ACVR1C: variants seen among roughly 807,000 people sequenced by gnomAD.
The protein encoded by ACVR1C is activin receptor type-1C.
Under a neutral mutation model 57.9 loss-of-function variants are expected in ACVR1C, and 23 were observed. The ratio of observed to expected loss-of-function variants is 0.40; its 90% confidence interval spans 0.29 to 0.56. The LOEUF (loss-of-function observed/expected upper bound fraction) is 0.56, where lower values mean the gene tolerates loss of function less well. ACVR1C is among the 20% of genes least tolerant of loss of function. ACVR1C has a pLI of 0.50. For missense variants in ACVR1C, 480 were observed against 607.9 expected (o/e 0.79, Z 2.21); for synonymous variants, 214 against 215.3 (o/e 0.99, Z 0.05).
At chr2:157,556,368 C>G in intron 2 of ACVR1C, 36 bp from the exon 3 acceptor site, 1 of 1,601,756 alleles carries the variant, frequency 6.2e-7, no homozygotes, top group African/African-American at 1.3e-5. Flanking sequence ...GACCATAAAT[C>G]AAACCATTTT....
chr2:157,593,376 G>A (rs1689087036), intron 1 of ACVR1C, among the ~76,000 whole-genome samples: 1 of 152,064 alleles, frequency 6.6e-6, no homozygotes, highest in Non-Finnish European at 1.5e-5. Flanking sequence ...CCTTTGTTTG[G>A]AGTCTATATG....
intron 1 of ACVR1C, among the ~76,000 whole-genome samples, chr2:157,622,882 T>C (rs1325964301): frequency 1.3e-5 from 2 of 152,026 alleles, no homozygotes; most frequent in African/African-American, 2.4e-5. Flanking sequence ...ATATCCAGAA[T>C]ATATAAGGAG....
rs768818387 is a variant in ACVR1C at position 157,587,339 on chromosome 2, A to C, written c.152T>G (p.Met51Arg). The change falls in exon 2 of 9, where the codon ATG (methionine) becomes AGG (arginine). Residue 51 changes from methionine to arginine, a missense_variant. By Grantham distance (91) the Met-to-Arg change is moderately conservative. Transcript: ENST00000243349. ...CACCTGCTCTTTTCCATTGGTTAGC[A>C]TGACTGATGCCCAACATGCTCCTTC... ...QTEGACWASV[M>R]LTNGKEQVIK... The C allele has an allele frequency of 5.0e-6, 8 of 1,613,592 alleles. No homozygotes were observed. The Admixed American group carries it at 6.7e-5, about 13-fold the overall frequency.
chr2:157,604,006 ATTG>A (rs1233728849), intron 1 of ACVR1C, among the ~76,000 whole-genome samples: 2 of 152,032 alleles, frequency 1.3e-5, no homozygotes, highest in African/African-American at 2.4e-5. Flanking sequence ...ACGTTTAACT[ATTG>A]TTGTTATTCT....
At chr2:157,573,301 A>G (rs114643288) in intron 2 of ACVR1C, among the ~76,000 whole-genome samples, 3,016 of 152,254 alleles carry the variant, frequency 0.02, 116 homozygotes, top group African/African-American at 0.068. Flanking sequence ...TCTTTACGCA[A>G]TTCAGAACAG....
chr2:157,543,978 G>C (rs1316468347), intron 5 of ACVR1C, among the ~76,000 whole-genome samples: 1 of 150,224 alleles, frequency 6.7e-6, no homozygotes, highest in African/African-American at 2.5e-5. Flanking sequence ...ACTGATGAGA[G>C]TTGGCTATAT....
chr2:157,550,080 C>A, intron 4 of ACVR1C, 82 bp downstream of exon 4: 27 of 1,150,062 alleles, frequency 2.3e-5, no homozygotes, highest in South Asian at 1.1e-4. Flanking sequence ...TTATCTGATA[C>A]TAGACAACAT....
At chr2:157,570,817 C>T (rs1274411564) in intron 2 of ACVR1C, among the ~76,000 whole-genome samples, 2 of 52,178 alleles carry the variant, frequency 3.8e-5, no homozygotes, top group African/African-American at 8.2e-5. Flanking sequence ...TCAATGCCAT[C>T]CCCATCAAGC....
rs551828454 is a variant in ACVR1C, at chr2:157,580,095, G to A, written c.304+7092C>T. Among the ~76,000 whole-genome samples the A allele has an allele frequency of 1.4e-4, 21 of 150,428 alleles. No individual in the cohort carries two copies. The East Asian group carries it at 1.8e-3, about 13-fold the overall frequency. On this transcript the variant is annotated intron_variant, in intron 2 of 8. Coordinates refer to ENST00000243349, the MANE Select transcript of ACVR1C (RefSeq NM_145259.3). ...CACACACACACACAAACACACACGC[G>A]CGCACGCACACACGTGCGCGTGCTA...
intron 3 of ACVR1C, among the ~76,000 whole-genome samples, chr2:157,555,713 T>G (rs1688083777): frequency 6.6e-6 from 1 of 152,146 alleles, no homozygotes. Context: ...CTCAACACCT[T>G]AAATACCACA....
intron 2 of ACVR1C, among the ~76,000 whole-genome samples, chr2:157,577,704 T>C (rs575835135): frequency 8.5e-4 from 130 of 152,318 alleles, no homozygotes; most frequent in African/African-American, 2.7e-3. Flanking sequence ...TACACTCTGA[T>C]AATCATTGTT....
rs145869067 is a variant in ACVR1C at position 157,562,459 on chromosome 2, A to AAAAATAAAAT, written c.305-6137_305-6128dup. Reference sequence around the variant, plus strand: ...CAGTAATACACAGCCTACCAACCAAAAAAATAAAATAAAATAAAATAAAAT... The same window carrying AAAAATAAAAT: ...CAGTAATACACAGCCTACCAACCAAAAAAATAAAATAAAATAAAATAAAATAAAATAAAAT... On this transcript the variant is annotated intron_variant, in intron 2 of 8. Transcript: ENST00000243349. 4.4e-3 allele frequency among the ~76,000 whole-genome samples: 478 copies of AAAAATAAAAT among 108,186 alleles called. 6 individuals carry two copies. Among genetic ancestry groups the AAAAATAAAAT allele is most frequent in the African/African-American group, 0.011 (305 of 27,682 alleles). 71.0% of individuals were successfully genotyped at this position (108,186 alleles called of 152,430 possible). A position where few individuals can be genotyped will look rare whatever the true frequency, so the allele number is the denominator to read the frequency against.
Position 157,533,995 on chromosome 2 carries a change from C to T in ACVR1C, c.1405G>A (p.Gly469Arg). ...RIMRECWYAN[G>R]AARLTALRIK... ...CGAAGAGCAGTTAGGCGGGCCGCTC[C>T]GTTGGCATACCAACACTCACGCATT... The change falls in exon 9 of 9, where the codon GGA becomes AGA. Residue 469 changes from glycine to arginine, a missense_variant. Gly to Arg is a moderately radical substitution (Grantham distance 125). Coordinates refer to ENST00000243349, the MANE Select transcript of ACVR1C (RefSeq NM_145259.3). 3 of 1,595,786 alleles carry T rather than the reference C, an allele frequency of 1.9e-6. No individual in the cohort carries two copies. The highest frequency in any genetic ancestry group is 1.1e-5 in the South Asian group (1 of 87,726).
intron 1 of ACVR1C, among the ~76,000 whole-genome samples, chr2:157,594,711 T>C (rs1486711493): frequency 1.3e-5 from 2 of 152,174 alleles, no homozygotes; most frequent in Non-Finnish European, 2.9e-5. Context: ...TCAATCTTAG[T>C]GTCCACAGGA....
intron 8 of ACVR1C, among the ~76,000 whole-genome samples, chr2:157,536,848 T>A (rs2105201477): frequency 6.6e-6 from 1 of 152,218 alleles, no homozygotes; most frequent in East Asian, 1.9e-4. Flanking sequence ...AATGCATATA[T>A]CAGGAATGTA....
At chr2:157,600,967 A>G (rs1682265740) in intron 1 of ACVR1C, among the ~76,000 whole-genome samples, 2 of 152,118 alleles carry the variant, frequency 1.3e-5, no homozygotes, top group Non-Finnish European at 2.9e-5. Flanking sequence ...TAAAATCCAT[A>G]ATGCTTTTTA....
intron 2 of ACVR1C, among the ~76,000 whole-genome samples, chr2:157,572,349 C>T (rs1222237901): frequency 7.3e-6 from 1 of 137,018 alleles, no homozygotes; most frequent in African/African-American, 2.8e-5. Flanking sequence ...ACATGTACCC[C>T]AAAACTTAGA....
intron 1 of ACVR1C, among the ~76,000 whole-genome samples, chr2:157,601,999 A>G (rs1682292230): frequency 6.6e-6 from 1 of 151,904 alleles, no homozygotes. Flanking sequence ...CACAAACCAC[A>G]CTCCTTAAAA....
At chr2:157,595,744 C>T (rs937622885) in intron 1 of ACVR1C, among the ~76,000 whole-genome samples, 15 of 152,268 alleles carry the variant, frequency 9.9e-5, no homozygotes, top group Middle Eastern at 3.4e-3. Flanking sequence ...CTCAGCCTTC[C>T]GGAGCACTGG....
Sources: gnomAD v4.1 joint callset for allele counts (sites outside exome capture counted in the v4.1 genomes callset) on GRCh38, gnomAD v4.1.1 for gene constraint, MANE v1.5 for transcripts, NCBI Gene and HGNC (gene_info 2026-07-23, HGNC 2026-07-21) for gene names.